The following ASIC2 variants were observed in gnomAD, a reference collection of about 807,000 sequenced individuals.
ASIC2 encodes the protein acid-sensing ion channel 2.
In ASIC2, 25 loss-of-function variants were observed where a neutral mutation model predicts 57.3. The ratio of observed to expected loss-of-function variants is 0.44; its 90% CI spans 0.32 to 0.61. The LOEUF is 0.61. Among genes scored for constraint, ASIC2 ranks in the 20% least tolerant of loss-of-function variants. The probability of loss-of-function intolerance (pLI) is 0.06; values close to 1 mark genes in which losing one functional copy is unlikely to be tolerated. For synonymous variants in ASIC2, 319 were observed against 307.5 expected (o/e 1.04, Z -0.39); for missense variants, 641 against 738.1 (o/e 0.87, Z 1.52).
At chr17:33,579,546 A>G (rs960077907) in intron 1 of ASIC2, among the ~76,000 whole-genome samples, 3 of 152,142 alleles carry the variant, frequency 2.0e-5, no homozygotes, top group African/African-American at 7.2e-5. Flanking sequence ...CCTGCCTTCA[A>G]GAATGAAAGG....
At chr17:33,492,436 G>A (rs1913791814) in intron 1 of ASIC2, among the ~76,000 whole-genome samples, 3 of 152,218 alleles carry the variant, frequency 2.0e-5, no homozygotes, top group Non-Finnish European at 4.4e-5. Flanking sequence ...AAGTGTGTAC[G>A]AAGTCAGCAT....
chr17:33,148,740 TAA>T (rs898601979), intron 1 of ASIC2, among the ~76,000 whole-genome samples: 1 of 152,206 alleles, frequency 6.6e-6, no homozygotes, highest in African/African-American at 2.4e-5. Context: ...TTTTTAATTA[TAA>T]AAGTCATAAT....
At chr17:33,644,170 C>A (rs778090051) in intron 1 of ASIC2, among the ~76,000 whole-genome samples, 22 of 152,302 alleles carry the variant, frequency 1.4e-4, no homozygotes, top group Non-Finnish European at 2.2e-4. Context: ...TGGGCTCGGG[C>A]AAGCCTTTCC....
intron 1 of ASIC2, among the ~76,000 whole-genome samples, chr17:33,706,035 T>C (rs1908850343): frequency 6.6e-6 from 1 of 152,124 alleles, no homozygotes. Context: ...GTTTTAAAAA[T>C]GTTTAGAAAC....
At chr17:33,060,064 T>C (rs1386578728) in intron 3 of ASIC2, among the ~76,000 whole-genome samples, 3 of 152,132 alleles carry the variant, frequency 2.0e-5, no homozygotes. Flanking sequence ...GATATTAGCC[T>C]TTTGTCAGAT....
intron 1 of ASIC2, among the ~76,000 whole-genome samples, chr17:33,134,249 G>T (rs908182738): frequency 2.6e-5 from 4 of 152,218 alleles, no homozygotes; most frequent in African/African-American, 9.7e-5. Context: ...AGTTGTCCAA[G>T]GTAGAGCTGG....
At chr17:33,536,451 C>T (rs1915232260) in intron 1 of ASIC2, among the ~76,000 whole-genome samples, 2 of 152,204 alleles carry the variant, frequency 1.3e-5, no homozygotes, top group Admixed American at 6.5e-5. Context: ...GGTATTTGCA[C>T]TATGGAAATT....
intron 1 of ASIC2, among the ~76,000 whole-genome samples, chr17:34,020,781 G>T (rs756787167): frequency 2.6e-5 from 4 of 152,214 alleles, no homozygotes; most frequent in South Asian, 2.1e-4. Context: ...ATGCAGCCCC[G>T]CCCGCACCGT....
intron 1 of ASIC2, among the ~76,000 whole-genome samples, chr17:33,689,427 C>T (rs940830396): frequency 6.6e-6 from 1 of 152,156 alleles, no homozygotes; most frequent in African/African-American, 2.4e-5. Flanking sequence ...TGCCAGTACA[C>T]ACTAGACACC....
At chr17:33,639,761 GA>G (rs3032192) in intron 1 of ASIC2, among the ~76,000 whole-genome samples, 2,106 of 125,082 alleles carry the variant, frequency 0.017, 30 homozygotes, top group East Asian at 0.095. Flanking sequence ...CTCAGGTTAA[GA>G]AAAAAAAAAA....
intron 1 of ASIC2, among the ~76,000 whole-genome samples, chr17:33,913,169 G>T (rs545059034): frequency 5.2e-4 from 79 of 151,896 alleles, no homozygotes; most frequent in African/African-American, 1.9e-3. Flanking sequence ...GGGACTATTT[G>T]GTACCTTAAG....
chr17:34,045,644 A>G (rs1411612564), intron 1 of ASIC2, among the ~76,000 whole-genome samples: 1 of 152,180 alleles, frequency 6.6e-6, no homozygotes, highest in Non-Finnish European at 1.5e-5. Context: ...TGAAGGGATT[A>G]AAGAGTTGTT....
chr17:33,797,505 G>T (rs2142141554), intron 1 of ASIC2, among the ~76,000 whole-genome samples: 1 of 152,220 alleles, frequency 6.6e-6, no homozygotes, highest in East Asian at 1.9e-4. Context: ...TATAATTGTT[G>T]TTGTCATTAC....
rs1425393400 is a variant in ASIC2 at position 33,242,015 on chromosome 17, T to C, written c.708+49393A>G. ...GTATTCTCCACTTTAACTCCGAACC[T>C]ACACAAAATAGGATTTATTCTGGCC... On this transcript the variant is annotated intron_variant, in intron 1 of 9. Transcript: ENST00000225823. Among the ~76,000 whole-genome samples the C allele has an allele frequency of 2.6e-5, 4 of 152,192 alleles. No homozygotes were observed. In the East Asian group the frequency reaches 7.7e-4, roughly 29 times the overall value.
intron 1 of ASIC2, among the ~76,000 whole-genome samples, chr17:33,395,338 G>A (rs1056060649): frequency 1.3e-5 from 2 of 152,126 alleles, no homozygotes; most frequent in Non-Finnish European, 2.9e-5. Context: ...CCACATGGTG[G>A]GGGAAGCCTC....
chr17:33,448,089 A>G (rs1317862030), intron 1 of ASIC2, among the ~76,000 whole-genome samples: 2 of 151,468 alleles, frequency 1.3e-5, no homozygotes, highest in Non-Finnish European at 2.9e-5. Context: ...AAATAAAATA[A>G]AATAAAATAA....
chr17:33,685,441 A>T (rs1237430258), intron 1 of ASIC2, among the ~76,000 whole-genome samples: 1 of 152,096 alleles, frequency 6.6e-6, no homozygotes, highest in Non-Finnish European at 1.5e-5. Flanking sequence ...GTGCTCCAGC[A>T]GCCCCCTCTA....
chr17:33,352,715 G>A (rs1908231802), intron 1 of ASIC2, among the ~76,000 whole-genome samples: 1 of 152,140 alleles, frequency 6.6e-6, no homozygotes, highest in African/African-American at 2.4e-5. Flanking sequence ...CCACCCTCAT[G>A]CTTTCAGTTT....
intron 1 of ASIC2, among the ~76,000 whole-genome samples, chr17:33,732,080 A>G (rs751886970): frequency 1.3e-5 from 2 of 152,242 alleles, no homozygotes; most frequent in African/African-American, 4.8e-5. Flanking sequence ...AAAATTGAAA[A>G]TACACATATC....
Sources: allele counts gnomAD v4.1 joint callset (sites outside exome capture counted in the v4.1 genomes callset), GRCh38; gene constraint gnomAD v4.1.1; transcripts MANE v1.5; gene names NCBI Gene and HGNC (gene_info 2026-07-23, HGNC 2026-07-21).